ZBTB7C: variants seen among roughly 807,000 people sequenced by gnomAD.
ZBTB7C encodes the protein zinc finger and BTB domain-containing protein 7C.
A neutral mutation model predicts 25.7 loss-of-function variants in ZBTB7C; 8 were observed. The ratio of observed to expected loss-of-function variants is 0.31; its 90% CI spans 0.18 to 0.56. The LOEUF (loss-of-function observed/expected upper bound fraction) is 0.56, where lower values mean the gene tolerates loss of function less well. Ranked by LOEUF, ZBTB7C falls within the 20% of genes least tolerant of loss-of-function variation. The pLI is 0.91. For synonymous variants in ZBTB7C, 394 were observed against 369.0 expected, an observed-to-expected ratio of 1.07 and a Z score of -0.78; for missense variants, 824 against 855.2, an observed-to-expected ratio of 0.96 and a Z score of 0.46.
intron 2 of ZBTB7C, among the ~76,000 whole-genome samples, chr18:48,263,369 C>T (rs1437018597): frequency 6.6e-6 from 1 of 152,244 alleles, no homozygotes; most frequent in Non-Finnish European, 1.5e-5. Context: ...TCCTTGCAAT[C>T]ATCAGCAACC....
At chr18:48,211,730 A>G (rs960628913) in intron 2 of ZBTB7C, among the ~76,000 whole-genome samples, 1 of 152,186 alleles carries the variant, frequency 6.6e-6, no homozygotes, top group Non-Finnish European at 1.5e-5. Context: ...ACTCTCATTC[A>G]TTGTTGGTGG....
intron 2 of ZBTB7C, among the ~76,000 whole-genome samples, chr18:48,328,805 C>G (rs1382350043): frequency 1.3e-5 from 2 of 152,046 alleles, no homozygotes; most frequent in Non-Finnish European, 2.9e-5. Flanking sequence ...AAATACTGCC[C>G]CCGCCCCACA....
At chr18:48,318,129 T>C (rs17751276) in intron 2 of ZBTB7C, among the ~76,000 whole-genome samples, 22,003 of 151,956 alleles carry the variant, frequency 0.14, 1,770 homozygotes, top group Non-Finnish European at 0.2. Flanking sequence ...TTGTGACCCA[T>C]GGAGGCCTAG....
intron 1 of ZBTB7C, among the ~76,000 whole-genome samples, chr18:48,361,887 TCAGACACACAGCC>T (rs1264227256): frequency 1.3e-5 from 2 of 152,132 alleles, no homozygotes; most frequent in Non-Finnish European, 2.9e-5. Context: ...GCAAGTGTGG[TCAGACACACAGCC>T]CTCCAGCCAG....
intron 3 of ZBTB7C, among the ~76,000 whole-genome samples, chr18:48,110,926 T>C (rs1261072230): frequency 6.6e-6 from 1 of 152,192 alleles, no homozygotes; most frequent in Non-Finnish European, 1.5e-5. Context: ...CTTATTCCTT[T>C]GCTCCAGTGG....
chr18:48,218,728 T>C (rs564930102), intron 2 of ZBTB7C, among the ~76,000 whole-genome samples: 1 of 152,318 alleles, frequency 6.6e-6, no homozygotes, highest in African/African-American at 2.4e-5. Flanking sequence ...CCTCAAGCCT[T>C]CTGCACCACT....
intron 2 of ZBTB7C, among the ~76,000 whole-genome samples, chr18:48,268,493 C>T (rs1200627459): frequency 1.3e-5 from 2 of 152,138 alleles, no homozygotes; most frequent in Non-Finnish European, 1.5e-5. Flanking sequence ...TCTTGCTAAA[C>T]TGGCTTAACA....
chr18:48,100,667 G>A, intron 3 of ZBTB7C, among the ~76,000 whole-genome samples: 1 of 152,116 alleles, frequency 6.6e-6, no homozygotes, highest in East Asian at 1.9e-4. Context: ...ATCAAAAACT[G>A]TTATCCGGGG....
At chr18:48,298,178 G>A (rs1395826695) in intron 2 of ZBTB7C, among the ~76,000 whole-genome samples, 2 of 151,878 alleles carry the variant, frequency 1.3e-5, no homozygotes. Context: ...TACTCGGAAG[G>A]CTGCGGCAGG....
rs115854635 is a variant in ZBTB7C at position 48,247,423 on chromosome 18, C to T, written c.-78-61428G>A. Among the ~76,000 whole-genome samples the T allele has an allele frequency of 1.8e-3, 278 of 152,270 alleles. 2 individuals are homozygous for T. The highest frequency in any genetic ancestry group is 6.4e-3 in the African/African-American group (266 of 41,546). On this transcript the variant is annotated intron_variant, in intron 2 of 4. Coordinates refer to ENST00000590800, the MANE Select transcript of ZBTB7C (RefSeq NM_001318841.2). ...TGATTACATACCTGGAGAGTTAAAT[C>T]AGCCAAAATGATTCAAATATAAAAA...
intron 2 of ZBTB7C, among the ~76,000 whole-genome samples, chr18:48,323,981 C>T (rs1334581888): frequency 6.6e-6 from 1 of 151,922 alleles, no homozygotes; most frequent in Non-Finnish European, 1.5e-5. Flanking sequence ...AGAATTGGTG[C>T]CTTTTTAAAA....
intron 2 of ZBTB7C, among the ~76,000 whole-genome samples, chr18:48,192,031 C>T (rs1289476815): frequency 6.6e-6 from 1 of 152,172 alleles, no homozygotes; most frequent in African/African-American, 2.4e-5. Flanking sequence ...TTGCCAACAA[C>T]CAGAAGCAAC....
intron 2 of ZBTB7C, among the ~76,000 whole-genome samples, chr18:48,295,431 G>A (rs1419148967): frequency 6.6e-6 from 1 of 152,148 alleles, no homozygotes; most frequent in Non-Finnish European, 1.5e-5. Context: ...CTTCCAGAAT[G>A]TTTCCTCTGC....
intron 3 of ZBTB7C, among the ~76,000 whole-genome samples, chr18:48,113,265 A>G (rs1048775554): frequency 3.9e-5 from 6 of 152,352 alleles, no homozygotes; most frequent in Admixed American, 1.3e-4. Context: ...TCATCTGCTA[A>G]ATGGAGATAA....
chr18:48,188,033 C>T (rs1262705728), intron 2 of ZBTB7C, among the ~76,000 whole-genome samples: 1 of 152,050 alleles, frequency 6.6e-6, no homozygotes, highest in Non-Finnish European at 1.5e-5. Flanking sequence ...TAAATATCCC[C>T]CTGCAACAAT....
At chr18:48,360,446 G>T (rs1423852793) in intron 1 of ZBTB7C, among the ~76,000 whole-genome samples, 4 of 152,222 alleles carry the variant, frequency 2.6e-5, no homozygotes, top group African/African-American at 9.6e-5. Flanking sequence ...GCCATGACAT[G>T]CCACGACAGA....
intron 3 of ZBTB7C, among the ~76,000 whole-genome samples, chr18:48,093,480 C>G (rs1185831023): frequency 6.6e-6 from 1 of 152,178 alleles, no homozygotes; most frequent in Non-Finnish European, 1.5e-5. Flanking sequence ...TAAGACACCT[C>G]TAAGGCTGAG....
At chr18:48,367,241 A>G in intron 1 of ZBTB7C, among the ~76,000 whole-genome samples, 1 of 43,282 alleles carries the variant, frequency 2.3e-5, no homozygotes, top group African/African-American at 5.0e-5. Flanking sequence ...ACATACATAC[A>G]CACACACACA....
intron 3 of ZBTB7C, among the ~76,000 whole-genome samples, chr18:48,089,231 GGCTGAGGCGGGTGGA>G (rs2038313823): frequency 6.6e-6 from 1 of 152,108 alleles, no homozygotes; most frequent in Non-Finnish European, 1.5e-5. Context: ...CACTTTGGGA[GGCTGAGGCGGGTGGA>G]TCACTTGAGG....
Sources: gnomAD v4.1 joint callset for allele counts (sites outside exome capture counted in the v4.1 genomes callset) on GRCh38, gnomAD v4.1.1 for gene constraint, MANE v1.5 for transcripts, NCBI Gene and HGNC (gene_info 2026-07-23, HGNC 2026-07-21) for gene names.